Variants in TATDN2 observed in about 807,000 individuals in gnomAD.
TATDN2 encodes 3'-5' RNA nuclease TATDN2.
In TATDN2, 44 loss-of-function variants were observed where a neutral mutation model predicts 60.3. The observed-to-expected ratio is 0.73, with a 90% confidence interval of 0.57 to 0.94. The LOEUF (loss-of-function observed/expected upper bound fraction) is 0.94, where lower values mean the gene tolerates loss of function less well. TATDN2 is among the 40% of genes least tolerant of loss of function. TATDN2 has a pLI of 0.00. For missense variants in TATDN2, 997 were observed against 948.0 expected, an observed-to-expected ratio of 1.05 and a Z score of -0.68; for synonymous variants, 399 against 355.8, an observed-to-expected ratio of 1.12 and a Z score of -1.37.
At chr3:10,271,107 A>C (rs2125179457) in intron 4 of TATDN2, 92 bp downstream of exon 4, 1 of 1,453,740 alleles carries the variant, frequency 6.9e-7, no homozygotes, top group East Asian at 2.3e-5. Flanking sequence ...TTTAGAAGTA[A>C]ATAATTGAGA....
At position 10,248,733 on chromosome 3, in the gene TATDN2, GC is replaced by G; in HGVS notation, c.-338del. The G allele has an allele frequency of 6.6e-6, 1 of 152,474 alleles. No homozygotes were observed. Among genetic ancestry groups the G allele is most frequent in the African/African-American group, 2.4e-5 (1 of 41,578 alleles). The allele number at this position is 152,474 out of a possible 1,614,324, so 9.4% of individuals were successfully genotyped here. ...GGGCGGGCTGCGGCGCCCGGGTCTG[GC>G]CCTGGCCTACGGGCTAAGCGCCCGG... On this transcript the variant is annotated 5_prime_UTR_variant, in exon 1 of 8. Coordinates refer to ENST00000448281, the MANE Select transcript of TATDN2 (RefSeq NM_014760.4).
chr3:10,271,756 G>T (rs573885989), intron 4 of TATDN2, among the ~76,000 whole-genome samples: 2 of 151,756 alleles, frequency 1.3e-5, no homozygotes, highest in Non-Finnish European at 2.9e-5. Context: ...TGTCACCCAG[G>T]CTGGAGGGCA....
rs553265148 is a variant in TATDN2 at position 10,257,841 on chromosome 3, A to ATTTTT, written c.415-2265_415-2261dup. On this transcript the variant is annotated intron_variant, in intron 2 of 7. Transcript: ENST00000448281. ...AAGTATAGATTTCTAAAGGTTTATGATTTTTTTTTTTTTTTTTTTTTTTTT... is the reference window on the plus strand; with the variant it reads ...AAGTATAGATTTCTAAAGGTTTATGATTTTTTTTTTTTTTTTTTTTTTTTTTTTTT... Among the ~76,000 whole-genome samples the ATTTTT allele has an allele frequency of 2.4e-3, 73 of 30,292 alleles. 7 individuals are homozygous for ATTTTT. The highest frequency in any genetic ancestry group is 4.3e-3 in the South Asian group (2 of 468). 19.9% of individuals were successfully genotyped at this position (30,292 alleles called of 152,430 possible).
At chr3:10,272,153 G>A (rs532816158) in intron 4 of TATDN2, among the ~76,000 whole-genome samples, 1 of 151,686 alleles carries the variant, frequency 6.6e-6, no homozygotes, top group African/African-American at 2.4e-5. Flanking sequence ...CGCCCACACT[G>A]GAGTTCAGTG....
intron 3 of TATDN2, among the ~76,000 whole-genome samples, chr3:10,261,093 T>G (rs906992321): frequency 6.6e-6 from 1 of 152,226 alleles, no homozygotes; most frequent in African/African-American, 2.4e-5. Flanking sequence ...GTTTGTTATC[T>G]GGGCATTCTG....
chr3:10,263,699 T>C (rs1698438931), intron 3 of TATDN2, among the ~76,000 whole-genome samples: 1 of 152,228 alleles, frequency 6.6e-6, no homozygotes, highest in Non-Finnish European at 1.5e-5. Flanking sequence ...GGTTTTAGTT[T>C]TCTTTAAGTT....
intron 3 of TATDN2, among the ~76,000 whole-genome samples, chr3:10,269,076 C>T (rs1314166848): frequency 2.6e-5 from 4 of 152,130 alleles, no homozygotes; most frequent in South Asian, 4.2e-4. Context: ...GCTGGACATC[C>T]GAGATGTTCA....
chr3:10,264,907 C>A (rs912467326), intron 3 of TATDN2, among the ~76,000 whole-genome samples: 9 of 151,700 alleles, frequency 5.9e-5, no homozygotes, highest in African/African-American at 9.7e-5. Flanking sequence ...AACTCCTGAC[C>A]TCAGGTGATC....
rs1698172541 is a variant in TATDN2 at position 10,248,757 on chromosome 3, CGGCCCCGG to C, written c.-312_-305del. 1 of 152,758 alleles carries C rather than the reference CGGCCCCGG, an allele frequency of 6.5e-6. No individual in the cohort carries two copies. Among genetic ancestry groups the C allele is most frequent in the Admixed American group, 6.5e-5 (1 of 15,296 alleles). The allele number at this position is 152,758 out of a possible 1,614,324, so 9.5% of individuals were successfully genotyped here. On this transcript the variant is annotated 5_prime_UTR_variant, in exon 1 of 8. Coordinates refer to ENST00000448281, the MANE Select transcript of TATDN2 (RefSeq NM_014760.4). ...GGCCCTGGCCTACGGGCTAAGCGCC[CGGCCCCGG>C]GGCCGCGGATCCGGCAGCCATGTGT...
At chr3:10,258,531 C>T (rs1305708021) in intron 2 of TATDN2, among the ~76,000 whole-genome samples, 3 of 150,790 alleles carry the variant, frequency 2.0e-5, no homozygotes, top group Non-Finnish European at 4.4e-5. Context: ...AGGGCAGTGG[C>T]ACGATCTTGC....
Position 10,270,677 on chromosome 3 carries a change from C to T in TATDN2, c.1495C>T (p.His499Tyr). The change falls in exon 4 of 8, where the codon CAT becomes TAT. Residue 499 changes from histidine to tyrosine, a missense_variant. Physicochemically the swap from His to Tyr is moderately conservative, Grantham distance 83 (BLOSUM62 2). Transcript: ENST00000448281. ...CCTAGAGGAGGGCTTCATTGACACT[C>T]ATTGTCACCTGGACATGCTCTATTC... ...PSLEEGFIDT[H>Y]CHLDMLYSKL... 1.9e-6 allele frequency: 3 copies of T among 1,614,242 alleles called. No individual in the cohort carries two copies. The highest frequency in any genetic ancestry group is 2.5e-6 in the Non-Finnish European group (3 of 1,180,048).
Position 10,270,598 on chromosome 3 carries a change from T to G in TATDN2, c.1416T>G (p.Arg472=). ...CATTCCAAGAGGAGATGCCTCCGCGTCCTTGTGGAGGACACGCATCCAGCT... is the reference window on the plus strand; with the variant it reads ...CATTCCAAGAGGAGATGCCTCCGCGGCCTTGTGGAGGACACGCATCCAGCT... ...KRTFQEEMPP[R]PCGGHASSSL... is the part of the protein sequence containing the mutation. Residue 472 remains arginine, a synonymous_variant, in exon 4 of 8, where the codon CGT becomes CGG. Coordinates refer to ENST00000448281, the MANE Select transcript of TATDN2 (RefSeq NM_014760.4). The G allele has an allele frequency of 6.2e-7, 1 of 1,614,254 alleles. No individual in the cohort carries two copies. The highest frequency in any genetic ancestry group is 1.7e-5 in the Admixed American group (1 of 60,026).
rs183285015 is a variant in TATDN2, at chr3:10,251,681, C to T, written c.414+2067C>T. On this transcript the variant is annotated intron_variant, in intron 2 of 7. Coordinates refer to ENST00000448281, the MANE Select transcript of TATDN2 (RefSeq NM_014760.4). ...GATTACAGGTGTGAGCCACCATGCC[C>T]GGCCAATTGTATTCTTATTTTAAAA... 2.2e-3 allele frequency among the ~76,000 whole-genome samples: 333 copies of T among 152,100 alleles called. 2 individuals are homozygous for T. The highest frequency in any genetic ancestry group is 3.4e-3 in the Middle Eastern group (1 of 292).
At chr3:10,273,624 G>A (rs1338505295) in intron 4 of TATDN2, among the ~76,000 whole-genome samples, 1 of 151,798 alleles carries the variant, frequency 6.6e-6, no homozygotes, top group African/African-American at 2.4e-5. Flanking sequence ...CCTGTGGAAG[G>A]TCTGTATCTG....
At chr3:10,249,770 C>T (rs1576001190) in intron 2 of TATDN2, among the ~76,000 whole-genome samples, 156 bp downstream of exon 2, 2 of 152,210 alleles carry the variant, frequency 1.3e-5, no homozygotes, top group East Asian at 3.8e-4. Flanking sequence ...ACTCGAAGAC[C>T]TAGCAGTCTT....
At chr3:10,260,052 C>G in intron 2 of TATDN2, 85 bp from the exon 3 acceptor site, 1 of 1,456,380 alleles carries the variant, frequency 6.9e-7, no homozygotes. Flanking sequence ...CTGGTAGAAC[C>G]ACCACTGATT....
chr3:10,274,237 T>C (rs907481889), intron 4 of TATDN2, among the ~76,000 whole-genome samples: 1 of 152,222 alleles, frequency 6.6e-6, no homozygotes. Context: ...TCTTAACATT[T>C]TTGAAATCTG....
chr3:10,271,377 G>A (rs1698561323), intron 4 of TATDN2, among the ~76,000 whole-genome samples: 3 of 152,152 alleles, frequency 2.0e-5, no homozygotes, highest in Admixed American at 6.5e-5. Flanking sequence ...GCAGTGGTGC[G>A]ATCTCAGCTC....
At chr3:10,270,025 C>T in intron 3 of TATDN2, 106 bp from the exon 4 acceptor site, 1 of 1,420,280 alleles carries the variant, frequency 7.0e-7, no homozygotes, top group Non-Finnish European at 9.5e-7. Context: ...AAGCCATCAC[C>T]ATGGCCAGAA....
Sources: allele counts gnomAD v4.1 joint callset (sites outside exome capture counted in the v4.1 genomes callset), GRCh38; gene constraint gnomAD v4.1.1; transcripts MANE v1.5; gene names NCBI Gene and HGNC (gene_info 2026-07-23, HGNC 2026-07-21).